CSMD1: variants seen among roughly 807,000 people sequenced by gnomAD.
CSMD1 encodes the protein CUB and sushi domain-containing protein 1.
CSMD1 carries 213 observed loss-of-function variants against 417.5 expected under a neutral mutation model. The ratio of observed to expected loss-of-function variants is 0.51; its 90% CI spans 0.46 to 0.57. The LOEUF is 0.57. CSMD1 is among the 20% of genes least tolerant of loss of function. The pLI is 0.00. For synonymous variants in CSMD1, 2,862 were observed against 1,736.8 expected (o/e 1.65, Z -16.11); for missense variants, 6,923 against 4,529.7 (o/e 1.53, Z -15.17).
intron 1 of CSMD1, among the ~76,000 whole-genome samples, chr8:4,832,842 C>T (rs1296609683): frequency 6.6e-6 from 1 of 152,096 alleles, no homozygotes; most frequent in African/African-American, 2.4e-5. Flanking sequence ...GTGATAAAAG[C>T]AGGTGCATGT....
At chr8:3,402,757 A>C (rs1022181008) in intron 15 of CSMD1, among the ~76,000 whole-genome samples, 2 of 152,006 alleles carry the variant, frequency 1.3e-5, no homozygotes, top group Admixed American at 6.6e-5. Flanking sequence ...TATTTTATTG[A>C]TATTAACAAC....
chr8:3,870,330 A>G (rs964402307), intron 5 of CSMD1, among the ~76,000 whole-genome samples: 34 of 152,190 alleles, frequency 2.2e-4, no homozygotes, highest in African/African-American at 7.2e-4. Context: ...TATTTTTACT[A>G]TGATGATTTG....
chr8:3,438,137 T>C (rs1405931727), intron 12 of CSMD1, among the ~76,000 whole-genome samples: 1 of 152,228 alleles, frequency 6.6e-6, no homozygotes, highest in African/African-American at 2.4e-5. Context: ...TGTGATTTGG[T>C]AAATAATTAC....
chr8:4,102,214 G>C (rs752028903), intron 3 of CSMD1, among the ~76,000 whole-genome samples: 14 of 152,072 alleles, frequency 9.2e-5, no homozygotes, highest in Non-Finnish European at 1.6e-4. Context: ...TGTAATTTAG[G>C]ACTCATGCCC....
At chr8:4,454,123 G>A (rs370366124) in intron 2 of CSMD1, among the ~76,000 whole-genome samples, 4 of 152,040 alleles carry the variant, frequency 2.6e-5, no homozygotes, top group African/African-American at 7.2e-5. Flanking sequence ...TGCCCAGCCT[G>A]CAATTCATTC....
intron 1 of CSMD1, among the ~76,000 whole-genome samples, chr8:4,990,418 C>A (rs1051113481): frequency 5.3e-5 from 8 of 151,598 alleles, no homozygotes; most frequent in Admixed American, 1.3e-4. Flanking sequence ...GGCTGGAGTG[C>A]AATGGCACGA....
chr8:3,574,183 G>A (rs557517421), intron 10 of CSMD1, among the ~76,000 whole-genome samples: 10 of 152,278 alleles, frequency 6.6e-5, no homozygotes, highest in South Asian at 4.1e-4. Context: ...CTTGAAAAAC[G>A]TATATAGCTT....
chr8:4,879,479 CA>C (rs1803262300), intron 1 of CSMD1, among the ~76,000 whole-genome samples: 1 of 151,942 alleles, frequency 6.6e-6, no homozygotes, highest in Admixed American at 6.6e-5. Flanking sequence ...TTTGAAATAG[CA>C]AATATGAATT....
At chr8:3,425,932 T>C (rs1266671487) in intron 12 of CSMD1, among the ~76,000 whole-genome samples, 3 of 152,158 alleles carry the variant, frequency 2.0e-5, no homozygotes, top group Admixed American at 1.3e-4. Flanking sequence ...CTGCATTGTA[T>C]TTCCCACTAG....
intron 3 of CSMD1, among the ~76,000 whole-genome samples, chr8:4,152,892 A>C (rs1354366771): frequency 3.3e-5 from 5 of 152,154 alleles, no homozygotes; most frequent in Non-Finnish European, 7.4e-5. Context: ...ATTAGACTTA[A>C]GATTTTTCTC....
chr8:3,242,843 T>A (rs1276816337), intron 26 of CSMD1, among the ~76,000 whole-genome samples: 1 of 150,568 alleles, frequency 6.6e-6, no homozygotes, highest in African/African-American at 2.4e-5. Context: ...ATATAAGAGG[T>A]CAGGGCGCAG....
chr8:4,316,288 A>G (rs7013389), intron 3 of CSMD1, among the ~76,000 whole-genome samples: 5 of 152,156 alleles, frequency 3.3e-5, no homozygotes, highest in East Asian at 3.9e-4. Context: ...GATCTGTAAG[A>G]TATCTCAAGG....
At chr8:4,938,569 G>T (rs1019848767) in intron 1 of CSMD1, among the ~76,000 whole-genome samples, 2 of 152,186 alleles carry the variant, frequency 1.3e-5, no homozygotes, top group Non-Finnish European at 2.9e-5. Flanking sequence ...CCCTCACACA[G>T]TTGTCAGTCT....
intron 1 of CSMD1, among the ~76,000 whole-genome samples, chr8:4,770,662 T>C (rs950930842): frequency 6.6e-6 from 1 of 152,048 alleles, no homozygotes; most frequent in Non-Finnish European, 1.5e-5. Flanking sequence ...AATCCAAGCA[T>C]ATATGGTCAG....
chr8:4,116,026 A>G (rs1802120933), intron 3 of CSMD1, among the ~76,000 whole-genome samples: 1 of 149,422 alleles, frequency 6.7e-6, no homozygotes, highest in South Asian at 2.1e-4. Flanking sequence ...ATGGAGAGGG[A>G]GTCTCACTCT....
At chr8:4,128,473 A>G (rs1403712802) in intron 3 of CSMD1, among the ~76,000 whole-genome samples, 1 of 152,188 alleles carries the variant, frequency 6.6e-6, no homozygotes, top group Non-Finnish European at 1.5e-5. Context: ...CATGCTCTCC[A>G]AGGTTTAAAA....
rs118097667 is a variant in CSMD1 at position 4,030,329 on chromosome 8, A to G, written c.610+1576T>C. Among the ~76,000 whole-genome samples, 269 of 152,288 alleles carry G rather than the reference A, an allele frequency of 1.8e-3. 4 individuals carry two copies. In the East Asian group the frequency reaches 0.029, roughly 17 times the overall value. On this transcript the variant is annotated intron_variant, in intron 4 of 69. Coordinates refer to ENST00000635120, the MANE Select transcript of CSMD1 (RefSeq NM_033225.6). ...CAAACTTCTATCTGGACATCTAGGA[A>G]TTTCTATACTTCCTCTGAAATCTAG...
At position 3,367,123 on chromosome 8, in the gene CSMD1, G is replaced by T; in HGVS notation, c.3024C>A (p.Ile1008=). 6.2e-7 allele frequency: 1 copy of T among 1,613,718 alleles called. No homozygotes were observed. Reference sequence around the variant, plus strand: ...TGAAGTTTCCAAACAGGCCTGCCTTGATCGTATGAGGCAACACCGACCCGG... The same window carrying T: ...TGAAGTTTCCAAACAGGCCTGCCTTTATCGTATGAGGCAACACCGACCCGG... ...RLTGSVLPHT[I]KAGLFGNFTA... The change falls in exon 20 of 70, where the codon ATC becomes ATA. Residue 1008 remains isoleucine (I), a synonymous_variant. Transcript: ENST00000635120.
chr8:3,550,688 T>G (rs2116776877), intron 10 of CSMD1, among the ~76,000 whole-genome samples: 1 of 152,336 alleles, frequency 6.6e-6, no homozygotes, highest in South Asian at 2.1e-4. Flanking sequence ...ACCTGAAATC[T>G]TGCTATTTGT....
Sources: gnomAD v4.1 joint callset for allele counts (sites outside exome capture counted in the v4.1 genomes callset) on GRCh38, gnomAD v4.1.1 for gene constraint, MANE v1.5 for transcripts, NCBI Gene and HGNC (gene_info 2026-07-23, HGNC 2026-07-21) for gene names.